The following PDE2A variants were observed in gnomAD, a reference collection of about 807,000 sequenced individuals.
The protein encoded by PDE2A is phosphodiesterase 2A, also known as cGMP-dependent 3',5'-cyclic phosphodiesterase.
A neutral mutation model predicts 133.6 loss-of-function variants in PDE2A; 53 were observed. The ratio of observed to expected loss-of-function variants is 0.40; its 90% CI spans 0.32 to 0.50. The LOEUF is 0.50. Ranked by LOEUF, PDE2A falls within the 20% of genes least tolerant of loss-of-function variation. PDE2A has a pLI of 0.73. For synonymous variants in PDE2A, 491 were observed against 490.2 expected, an observed-to-expected ratio of 1.00 and a Z score of -0.02; for missense variants, 796 against 1,232.4, an observed-to-expected ratio of 0.65 and a Z score of 5.30.
intron 1 of PDE2A, among the ~76,000 whole-genome samples, chr11:72,652,123 C>G (rs1854757862): frequency 6.6e-6 from 1 of 152,224 alleles, no homozygotes; most frequent in African/African-American, 2.4e-5. Flanking sequence ...AAGTAGGGAG[C>G]AGCATGAGAA....
intron 6 of PDE2A, among the ~76,000 whole-genome samples, chr11:72,594,473 T>G (rs1011152801): frequency 1.3e-5 from 2 of 152,084 alleles, no homozygotes; most frequent in African/African-American, 4.8e-5. Context: ...GGGAAGTGCA[T>G]TTACACATGA....
intron 6 of PDE2A, among the ~76,000 whole-genome samples, chr11:72,595,222 C>T (rs1389923648): frequency 6.6e-6 from 1 of 152,182 alleles, no homozygotes; most frequent in Non-Finnish European, 1.5e-5. Context: ...AGGCACCTGG[C>T]ACCCCAGGCC....
chr11:72,667,869 T>TAAAAA (rs10636062), intron 1 of PDE2A, among the ~76,000 whole-genome samples: 1 of 133,330 alleles, frequency 7.5e-6, no homozygotes, highest in East Asian at 2.2e-4. Context: ...CTGTCTCTAT[T>TAAAAA]AAAAAAAAAA....
At chr11:72,657,237 G>A (rs970049370) in intron 1 of PDE2A, among the ~76,000 whole-genome samples, 18 of 152,134 alleles carry the variant, frequency 1.2e-4, no homozygotes, top group African/African-American at 1.7e-4. Flanking sequence ...TCAGCTCCCC[G>A]GGGTGAGGGC....
At chr11:72,589,395 G>T (rs554787363) in intron 11 of PDE2A, among the ~76,000 whole-genome samples, 155 bp from the exon 12 acceptor site, 1 of 152,184 alleles carries the variant, frequency 6.6e-6, no homozygotes, top group African/African-American at 2.4e-5. Context: ...ATGGAGGGGA[G>T]TCTGGCAGAA....
Position 72,637,465 on chromosome 11 carries a change from A to T in PDE2A, c.144+4789T>A, listed in dbSNP as rs539845903. Among the ~76,000 whole-genome samples, 4 of 152,358 alleles carry T rather than the reference A, an allele frequency of 2.6e-5. No homozygotes were observed. The South Asian group carries it at 8.3e-4, about 32-fold the overall frequency. ...CTAATGTCCACCTAGGAAGTCCTGG[A>T]AGTACACATGTGTGACTCAGACAGG... On this transcript the variant is annotated intron_variant, in intron 2 of 30. Coordinates refer to ENST00000334456, the MANE Select transcript of PDE2A (RefSeq NM_002599.5).
intron 6 of PDE2A, among the ~76,000 whole-genome samples, chr11:72,596,146 G>C (rs567455794): frequency 2.8e-4 from 43 of 152,238 alleles, no homozygotes; most frequent in South Asian, 1.7e-3. Context: ...ATGTCCATCT[G>C]TCCCTCCGCA....
At chr11:72,608,121 C>T (rs140020328) in intron 3 of PDE2A, among the ~76,000 whole-genome samples, 6 of 152,296 alleles carry the variant, frequency 3.9e-5, no homozygotes, top group African/African-American at 1.4e-4. Flanking sequence ...AAACCTGCAA[C>T]TCATCCATGG....
intron 2 of PDE2A, among the ~76,000 whole-genome samples, chr11:72,635,823 A>G (rs1419469617): frequency 6.6e-6 from 1 of 152,226 alleles, no homozygotes; most frequent in Admixed American, 6.5e-5. Context: ...GAAATGGAAC[A>G]GCTTTCCCAT....
intron 2 of PDE2A, among the ~76,000 whole-genome samples, chr11:72,628,015 G>A (rs1858171806): frequency 6.6e-6 from 1 of 152,252 alleles, no homozygotes; most frequent in Admixed American, 6.5e-5. Flanking sequence ...ACGCCTGCTG[G>A]GTGGGGATGG....
At chr11:72,609,687 G>C (rs750533863) in intron 2 of PDE2A, among the ~76,000 whole-genome samples, 3 of 152,128 alleles carry the variant, frequency 2.0e-5, no homozygotes, top group South Asian at 2.1e-4. Flanking sequence ...GCCAAGGCAA[G>C]ATCGTGACTC....
chr11:72,641,670 C>A (rs139985269), intron 2 of PDE2A, among the ~76,000 whole-genome samples: 1 of 152,230 alleles, frequency 6.6e-6, no homozygotes, highest in South Asian at 2.1e-4. Context: ...GGGAAGGGAT[C>A]GGGGAGTGGG....
intron 2 of PDE2A, among the ~76,000 whole-genome samples, chr11:72,636,781 C>T (rs1591112970): frequency 6.6e-6 from 1 of 152,188 alleles, no homozygotes; most frequent in East Asian, 1.9e-4. Flanking sequence ...CCCCCGCTTA[C>T]CTGGACCACA....
intron 18 of PDE2A, 55 bp downstream of exon 18, chr11:72,584,496 G>T: frequency 6.5e-7 from 1 of 1,532,644 alleles, no homozygotes; most frequent in Non-Finnish European, 8.8e-7. Flanking sequence ...CCGCTCGCTC[G>T]GACCCGCCCC....
At chr11:72,592,174 G>A (rs1856280888) in intron 6 of PDE2A, among the ~76,000 whole-genome samples, 2 of 152,186 alleles carry the variant, frequency 1.3e-5, no homozygotes, top group Admixed American at 1.3e-4. Context: ...GAAAATGAGA[G>A]ACGGTGGGGA....
At position 72,579,526 on chromosome 11, in the gene PDE2A, C is replaced by T. The variant is rs986661200; in HGVS notation, c.2256+8G>A. 2 of 1,575,348 alleles carry T rather than the reference C, an allele frequency of 1.3e-6. No individual in the cohort carries two copies. Among genetic ancestry groups the T allele is most frequent in the Admixed American group, 1.7e-5 (1 of 59,220 alleles). On this transcript the variant is annotated splice_region_variant and intron_variant, in intron 26 of 30. Transcript: ENST00000334456. ...CCTCAATCCCCACCCCACCCCCAAC[C>T]CCATCACCTTCCGGGAGAAATGATC...
chr11:72,609,108 A>T (rs896522076), intron 2 of PDE2A, among the ~76,000 whole-genome samples: 3 of 152,192 alleles, frequency 2.0e-5, no homozygotes, highest in Admixed American at 6.5e-5. Context: ...AAACAAAACA[A>T]GCAAACAAAA....
chr11:72,609,559 G>A (rs776835796), intron 2 of PDE2A, among the ~76,000 whole-genome samples: 21 of 152,164 alleles, frequency 1.4e-4, no homozygotes, highest in Admixed American at 3.9e-4. Flanking sequence ...CCCATCCCAG[G>A]AACAGAACTC....
intron 2 of PDE2A, among the ~76,000 whole-genome samples, chr11:72,640,295 G>A (rs2135434199): frequency 6.6e-6 from 1 of 151,554 alleles, no homozygotes; most frequent in Admixed American, 6.6e-5. Context: ...CATAGATAAT[G>A]TGCACACCTA....
Sources: allele counts gnomAD v4.1 joint callset (sites outside exome capture counted in the v4.1 genomes callset), GRCh38; gene constraint gnomAD v4.1.1; transcripts MANE v1.5; gene names NCBI Gene and HGNC (gene_info 2026-07-23, HGNC 2026-07-21).